The following NRXN3 variants were observed in gnomAD, a reference collection of about 807,000 sequenced individuals.
NRXN3 encodes the protein neurexin III.
In NRXN3, 32 loss-of-function variants were observed where a neutral mutation model predicts 137.6. The observed-to-expected ratio is 0.23, with a 90% confidence interval of 0.18 to 0.31. The LOEUF is 0.31. Ranked by LOEUF, NRXN3 falls within the 10% of genes least tolerant of loss-of-function variation. The probability of loss-of-function intolerance (pLI) is 1.00; values close to 1 mark genes in which losing one functional copy is unlikely to be tolerated. For synonymous variants in NRXN3, 798 were observed against 784.5 expected (o/e 1.02, Z -0.29); for missense variants, 1,574 against 2,062.5 (o/e 0.76, Z 4.59).
At chr14:78,236,531 A>T (rs1224844914) in intron 1 of NRXN3, among the ~76,000 whole-genome samples, 1 of 152,212 alleles carries the variant, frequency 6.6e-6, no homozygotes, top group African/African-American at 2.4e-5. Flanking sequence ...GTTGCCATGA[A>T]CATTCTCATG....
intron 16 of NRXN3, among the ~76,000 whole-genome samples, chr14:79,584,184 A>T (rs184839989): frequency 6.6e-6 from 1 of 151,930 alleles, no homozygotes; most frequent in African/African-American, 2.4e-5. Flanking sequence ...CTTAACTACT[A>T]CTCCTAGCCC....
intron 4 of NRXN3, among the ~76,000 whole-genome samples, chr14:78,527,126 C>T (rs377545651): frequency 6.6e-6 from 1 of 152,192 alleles, no homozygotes; most frequent in East Asian, 1.9e-4. Context: ...TAAATTTACC[C>T]CTTTATTTAT....
chr14:79,663,398 G>C (rs1185310652), intron 16 of NRXN3, among the ~76,000 whole-genome samples: 3 of 151,988 alleles, frequency 2.0e-5, no homozygotes, highest in African/African-American at 7.3e-5. Context: ...TTGTAAATCT[G>C]AATTGATAAA....
chr14:79,744,825 G>C (rs1288497839), intron 19 of NRXN3, among the ~76,000 whole-genome samples: 1 of 152,088 alleles, frequency 6.6e-6, no homozygotes, highest in African/African-American at 2.4e-5. Flanking sequence ...GACAAAAGTA[G>C]GTATGAGGTG....
chr14:78,760,640 A>T (rs8004449), intron 8 of NRXN3, among the ~76,000 whole-genome samples: 46,598 of 151,296 alleles, frequency 0.31, 10,692 homozygotes, highest in African/African-American at 0.65. Context: ...CTTTTTGTTT[A>T]GCTCTCATTA....
chr14:78,450,259 T>G (rs2094520169), intron 4 of NRXN3, among the ~76,000 whole-genome samples: 1 of 152,272 alleles, frequency 6.6e-6, no homozygotes, highest in Admixed American at 6.5e-5. Context: ...TCTGTTTCTA[T>G]GTTTTCAAAA....
chr14:78,335,458 C>A (rs186853239), intron 4 of NRXN3, among the ~76,000 whole-genome samples: 12 of 152,376 alleles, frequency 7.9e-5, no homozygotes, highest in Admixed American at 5.9e-4. Context: ...GGCTCCCTTT[C>A]TGTCACTCTC....
chr14:79,502,510 G>A (rs1381630467), intron 16 of NRXN3, among the ~76,000 whole-genome samples: 4 of 151,184 alleles, frequency 2.6e-5, no homozygotes, highest in African/African-American at 9.7e-5. Flanking sequence ...TCTCTCTCTC[G>A]CCACACCCCC....
intron 8 of NRXN3, among the ~76,000 whole-genome samples, chr14:78,737,116 A>G (rs974499856): frequency 3.3e-5 from 5 of 152,160 alleles, no homozygotes; most frequent in African/African-American, 9.7e-5. Flanking sequence ...CTGAGAATGT[A>G]AAGAGGAATG....
intron 1 of NRXN3, among the ~76,000 whole-genome samples, chr14:78,193,435 A>G (rs1051196989): frequency 5.3e-5 from 8 of 152,294 alleles, no homozygotes; most frequent in African/African-American, 1.9e-4. Context: ...TAGGAAACAC[A>G]GGCTAGCCAG....
intron 15 of NRXN3, among the ~76,000 whole-genome samples, chr14:79,075,806 G>A (rs2045870841): frequency 6.6e-6 from 1 of 152,164 alleles, no homozygotes. Context: ...CAATGTGTGT[G>A]GCAGGCGGGG....
chr14:78,447,668 G>A (rs1392659036), intron 4 of NRXN3, among the ~76,000 whole-genome samples: 3 of 152,172 alleles, frequency 2.0e-5, no homozygotes, highest in African/African-American at 7.2e-5. Flanking sequence ...TTTTAGCTTG[G>A]TATTCCTTGT....
At chr14:78,616,102 T>A (rs1205293045) in intron 4 of NRXN3, among the ~76,000 whole-genome samples, 1 of 152,212 alleles carries the variant, frequency 6.6e-6, no homozygotes, top group Non-Finnish European at 1.5e-5. Context: ...CTCACTCAGC[T>A]CCTCCAGTGG....
intron 15 of NRXN3, among the ~76,000 whole-genome samples, chr14:79,331,704 A>C (rs1387769088): frequency 6.6e-6 from 1 of 152,140 alleles, no homozygotes; most frequent in African/African-American, 2.4e-5. Flanking sequence ...TTTTGCAAGA[A>C]ATTTTCACAC....
intron 15 of NRXN3, among the ~76,000 whole-genome samples, chr14:79,254,294 T>C (rs1054974826): frequency 5.3e-5 from 8 of 152,166 alleles, no homozygotes; most frequent in African/African-American, 1.9e-4. Context: ...TAATCTCAGT[T>C]GAATCTAAGC....
chr14:79,358,535 C>G (rs1353008093), intron 15 of NRXN3, among the ~76,000 whole-genome samples: 2 of 135,352 alleles, frequency 1.5e-5, no homozygotes, highest in African/African-American at 5.6e-5. Flanking sequence ...GATCGCACTA[C>G]TGCACTCCAG....
At chr14:79,373,679 T>C (rs1477852172) in intron 15 of NRXN3, among the ~76,000 whole-genome samples, 1 of 152,202 alleles carries the variant, frequency 6.6e-6, no homozygotes, top group African/African-American at 2.4e-5. Context: ...TAATGGAAGG[T>C]TGGAATAAAT....
At chr14:79,025,313 C>T (rs965611074) in intron 15 of NRXN3, among the ~76,000 whole-genome samples, 2 of 152,184 alleles carry the variant, frequency 1.3e-5, no homozygotes, top group African/African-American at 4.8e-5. Context: ...TGACACAAGG[C>T]TGCCATCTTA....
At chr14:78,361,054 C>T (rs956913127) in intron 4 of NRXN3, among the ~76,000 whole-genome samples, 1 of 152,126 alleles carries the variant, frequency 6.6e-6, no homozygotes, top group Non-Finnish European at 1.5e-5. Context: ...TTACAGAGAG[C>T]CTGGTAGTGT....
Sources: gnomAD v4.1 joint callset for allele counts (sites outside exome capture counted in the v4.1 genomes callset) on GRCh38, gnomAD v4.1.1 for gene constraint, MANE v1.5 for transcripts, NCBI Gene and HGNC (gene_info 2026-07-23, HGNC 2026-07-21) for gene names.